Variants in ZNF518A observed in about 807,000 individuals in gnomAD.
ZNF518A encodes zinc finger protein 518.
A neutral mutation model predicts 102.7 loss-of-function variants in ZNF518A; 47 were observed. The observed-to-expected ratio is 0.46, with a 90% confidence interval of 0.36 to 0.58. The LOEUF (loss-of-function observed/expected upper bound fraction) is 0.58. Ranked by LOEUF, ZNF518A falls within the 20% of genes least tolerant of loss-of-function variation. ZNF518A has a pLI of 0.00. For synonymous variants in ZNF518A, 652 were observed against 594.6 expected (o/e 1.10, Z -1.40); for missense variants, 1,793 against 1,699.8 (o/e 1.05, Z -0.96).
chr10:96,152,555 A>G (rs587650610), intron 3 of ZNF518A, among the ~76,000 whole-genome samples: 5 of 152,370 alleles, frequency 3.3e-5, no homozygotes, highest in African/African-American at 1.2e-4. Flanking sequence ...AGAAAGATAC[A>G]TACACAGTCA....
At chr10:96,164,211 A>G (rs1591266190), downstream of ZNF518A, among the ~76,000 whole-genome samples, 2 of 152,254 alleles carry the variant, frequency 1.3e-5, no homozygotes, top group African/African-American at 2.4e-5. Context: ...AGAATATTAT[A>G]TACTAATTCC....
intron 3 of ZNF518A, among the ~76,000 whole-genome samples, chr10:96,145,113 A>G (rs2082112819): frequency 1.4e-5 from 2 of 140,134 alleles, no homozygotes; most frequent in African/African-American, 5.1e-5. Context: ...TCTGTCGCCC[A>G]GGCTGGAGTG....
At chr10:96,132,970 C>T (rs587747681) in intron 2 of ZNF518A, 1 of 152,198 alleles carries the variant, frequency 6.6e-6, no homozygotes, top group East Asian at 1.9e-4. Context: ...AAATAAGAGA[C>T]ACTCAACCTG....
downstream of ZNF518A, among the ~76,000 whole-genome samples, chr10:96,167,640 T>A (rs2083150055): frequency 6.6e-6 from 1 of 152,136 alleles, no homozygotes; most frequent in East Asian, 1.9e-4. Context: ...CAATACTAGA[T>A]TTGAGATGGC....
At chr10:96,168,428 C>T (rs2083155235), downstream of ZNF518A, among the ~76,000 whole-genome samples, 1 of 148,768 alleles carries the variant, frequency 6.7e-6, no homozygotes, top group African/African-American at 2.5e-5. Flanking sequence ...ATATATTTAC[C>T]TTTCCAGTGT....
intron 1 of ZNF518A, among the ~76,000 whole-genome samples, chr10:96,175,109 T>C (rs11188646): frequency 0.031 from 4,681 of 152,274 alleles, 240 homozygotes; most frequent in East Asian, 0.17. Flanking sequence ...ATGCCTGTTG[T>C]CTGAGCCACT....
In ZNF518A at chr10:96,160,370, T is replaced by C. The variant is rs782632601; in HGVS notation, c.4048T>C (p.Leu1350=). 2 of 1,613,556 alleles carry C rather than the reference T, an allele frequency of 1.2e-6. No homozygotes were observed. Among genetic ancestry groups the C allele is most frequent in the Admixed American group, 1.7e-5 (1 of 59,986 alleles). The change falls in exon 6 of 6, where the codon TTG becomes CTG. Residue 1350 remains leucine (L), a synonymous_variant. Transcript: ENST00000316045. ...CPRRNQPVVV[L]NHPDADAPEV... is the part of the protein sequence containing the mutation. ...TAGGAGAAACCAACCAGTTGTAGTT[T>C]TGAATCATCCTGACGCAGATGCACC...
chr10:96,167,438 C>T (rs1363557925), downstream of ZNF518A, among the ~76,000 whole-genome samples: 2 of 151,980 alleles, frequency 1.3e-5, no homozygotes, highest in South Asian at 2.1e-4. Context: ...TGGGAGGCAG[C>T]GAGACTCCAC....
chr10:96,154,484 CTT>C (rs2082604838), intron 3 of ZNF518A, among the ~76,000 whole-genome samples: 1 of 141,318 alleles, frequency 7.1e-6, no homozygotes, highest in Non-Finnish European at 1.5e-5. Context: ...TTTCTTTTCT[CTT>C]AACAAAGCAG....
rs587724398 is a variant in ZNF518A, at chr10:96,184,726, C to A, written n.36-18848C>A. ...GTAACCCGACCTTTCTCTCTGGCTG[C>A]CCTTAACATTTTTTCCTTCATTTCA... On this transcript the variant is annotated intron_variant and non_coding_transcript_variant, in intron 1 of 2. Transcript: ENST00000442635. 2.5e-4 allele frequency among the ~76,000 whole-genome samples: 38 copies of A among 151,068 alleles called. No homozygotes were observed. In the South Asian group the frequency reaches 4.7e-3, roughly 19 times the overall value.
Position 96,156,287 on chromosome 10 carries a change from C to A in ZNF518A, c.-36C>A. ...AATTACAGATAACTTCAAGAGTTTT[C>A]AGAAAAAAAGAAATTGGGACTTTTT... On this transcript the variant is annotated 5_prime_UTR_variant, in exon 6 of 6. Coordinates refer to ENST00000316045, the MANE Select transcript of ZNF518A (RefSeq NM_001330736.2). 6.6e-7 allele frequency: 1 copy of A among 1,525,844 alleles called. No individual in the cohort carries two copies. Among genetic ancestry groups the A allele is most frequent in the South Asian group, 1.4e-5 (1 of 73,376 alleles). 94.5% of individuals were successfully genotyped at this position (1,525,844 alleles called of 1,614,324 possible).
At chr10:96,183,035 C>T (rs1313702500) in intron 1 of ZNF518A, among the ~76,000 whole-genome samples, 2 of 152,128 alleles carry the variant, frequency 1.3e-5, no homozygotes, top group African/African-American at 4.8e-5. Context: ...TCACTTCTTC[C>T]TGGTTTAGTC....
intron 1 of ZNF518A, chr10:96,196,951 GC>G: frequency 6.2e-7 from 1 of 1,613,382 alleles, no homozygotes; most frequent in Non-Finnish European, 8.5e-7. Context: ...TTGTTTTGTT[GC>G]TTCAATAAAT....
upstream of ZNF518A, among the ~76,000 whole-genome samples, chr10:96,130,290 T>C (rs782253383): frequency 4.6e-5 from 7 of 152,336 alleles, no homozygotes; most frequent in Non-Finnish European, 7.4e-5. Context: ...ATTCAGCGCT[T>C]CCGCTTAACT....
At chr10:96,203,815 T>A in intron 2 of ZNF518A, 2 of 366,532 alleles carry the variant, frequency 5.5e-6, no homozygotes, top group East Asian at 4.4e-5. Flanking sequence ...GGATGCATGA[T>A]CAGTAAAATA....
intron 3 of ZNF518A, among the ~76,000 whole-genome samples, chr10:96,142,833 T>G (rs2082002733): frequency 6.7e-6 from 1 of 150,354 alleles, no homozygotes; most frequent in Non-Finnish European, 1.5e-5. Context: ...TGCGACAGAG[T>G]CTCGCTGTGT....
rs183902746 is a variant in ZNF518A at position 96,159,160 on chromosome 10, C to A, written c.2838C>A (p.Asn946Lys). Residue 946 changes from asparagine to lysine, a missense_variant, in exon 6 of 6, where the codon AAC becomes AAA. Physicochemically the swap from Asn to Lys is moderately conservative, Grantham distance 94. Transcript: ENST00000316045. ...KGFLIPLNIT[N>K]KPGLPVIPGN... Reference sequence around the variant, plus strand: ...TCTTAATACCATTGAACATTACTAACAAGCCTGGGCTACCAGTTATTCCTG... The same window carrying A: ...TCTTAATACCATTGAACATTACTAAAAAGCCTGGGCTACCAGTTATTCCTG... 19 of 1,613,694 alleles carry A rather than the reference C, an allele frequency of 1.2e-5. No individual in the cohort carries two copies. In the Admixed American group the frequency reaches 1.3e-4, roughly 11 times the overall value.
intron 3 of ZNF518A, among the ~76,000 whole-genome samples, chr10:96,149,484 A>T (rs2082329143): frequency 6.6e-6 from 1 of 152,234 alleles, no homozygotes; most frequent in South Asian, 2.1e-4. Context: ...AGTAACCAAT[A>T]GCATGATAGA....
chr10:96,200,175 A>G lies in ZNF518A; in HGVS notation n.36-3399A>G, dbSNP rs2083592093. The G allele has an allele frequency of 6.2e-7, 1 of 1,611,414 alleles. No homozygotes were observed. The highest frequency in any genetic ancestry group is 8.5e-7 in the Non-Finnish European group (1 of 1,177,776). ...GCCAGCTTCCTGTGAAATGGAGGGC[A>G]CTGGTCAGCATGGGATGGTCCCTAC... On this transcript the variant is annotated intron_variant and non_coding_transcript_variant, in intron 1 of 2. Transcript: ENST00000442635. The surrounding 1 kb of genome is among the most constrained non-coding windows in gnomAD (Gnocchi z 4.3).
Sources: allele counts gnomAD v4.1 joint callset (sites outside exome capture counted in the v4.1 genomes callset), GRCh38; gene constraint gnomAD v4.1.1; non-coding constraint Gnocchi (gnomAD v3.1); transcripts MANE v1.5; gene names NCBI Gene and HGNC (gene_info 2026-07-23, HGNC 2026-07-21).